The following CSMD1 variants were observed in gnomAD, a reference collection of about 807,000 sequenced individuals.
CSMD1 encodes the protein CUB and sushi domain-containing protein 1.
CSMD1 carries 213 observed loss-of-function variants against 417.5 expected under a neutral mutation model. The ratio of observed to expected loss-of-function variants is 0.51; its 90% CI spans 0.46 to 0.57. CSMD1 has a LOEUF of 0.57. CSMD1 is among the 20% of genes least tolerant of loss of function. The pLI is 0.00. For missense variants in CSMD1, 6,923 were observed against 4,529.7 expected (o/e 1.53, Z -15.17); for synonymous variants, 2,862 against 1,736.8 (o/e 1.65, Z -16.11).
chr8:3,114,727 C>A (rs1307853863), intron 42 of CSMD1, among the ~76,000 whole-genome samples: 6 of 152,032 alleles, frequency 3.9e-5, no homozygotes, highest in African/African-American at 1.4e-4. Flanking sequence ...TTTTTATTCT[C>A]TATTATTGGG....
intron 3 of CSMD1, among the ~76,000 whole-genome samples, chr8:4,232,416 C>G (rs1190489321): frequency 6.6e-6 from 1 of 152,158 alleles, no homozygotes; most frequent in Admixed American, 6.5e-5. Context: ...CCAGCTTGGT[C>G]TTGAACTCCT....
chr8:4,990,593 T>G (rs1811410127), intron 1 of CSMD1, among the ~76,000 whole-genome samples: 1 of 152,110 alleles, frequency 6.6e-6, no homozygotes, highest in Admixed American at 6.6e-5. Flanking sequence ...TCCTGACCTT[T>G]GATGATCCAC....
chr8:3,552,639 G>T (rs548490178), intron 10 of CSMD1, among the ~76,000 whole-genome samples: 2 of 152,184 alleles, frequency 1.3e-5, no homozygotes, highest in Non-Finnish European at 2.9e-5. Context: ...ATGCTACAGA[G>T]ATCCTTTCTG....
intron 1 of CSMD1, among the ~76,000 whole-genome samples, chr8:4,881,076 C>T (rs999433582): frequency 3.3e-5 from 5 of 151,956 alleles, no homozygotes; most frequent in Non-Finnish European, 5.9e-5. Flanking sequence ...AGGACTCTGC[C>T]AGCTACTCCA....
intron 1 of CSMD1, among the ~76,000 whole-genome samples, chr8:4,986,684 A>G (rs1238597671): frequency 6.6e-6 from 1 of 152,158 alleles, no homozygotes; most frequent in Non-Finnish European, 1.5e-5. Context: ...AACATTATGG[A>G]CAAGGAGCTT....
chr8:3,837,346 G>C (rs182050704), intron 5 of CSMD1, among the ~76,000 whole-genome samples: 4 of 152,176 alleles, frequency 2.6e-5, no homozygotes, highest in African/African-American at 9.6e-5. Context: ...CAGAGCCCCA[G>C]GCTGGAGCTA....
chr8:3,717,571 T>G (rs2623562), intron 6 of CSMD1, among the ~76,000 whole-genome samples: 132,855 of 152,172 alleles, frequency 0.87, 58,813 homozygotes, highest in East Asian at 0.94. Context: ...TTGAGAAAAT[T>G]TTTAAATAAT....
Position 4,102,746 on chromosome 8 carries a change from A to G in CSMD1, c.416-70647T>C, listed in dbSNP as rs143755270. ...TTTAGACAAGATATTGGAAGCAGAT[A>G]TTTTTGAATTTAATTAGTCCAGGAC... On this transcript the variant is annotated intron_variant, in intron 3 of 69. Coordinates refer to ENST00000635120, the MANE Select transcript of CSMD1 (RefSeq NM_033225.6). Among the ~76,000 whole-genome samples, 284 of 152,294 alleles carry G rather than the reference A, an allele frequency of 1.9e-3. 4 individuals carry two copies. The East Asian group carries it at 0.019, about 10-fold the overall frequency.
At chr8:3,698,288 T>G (rs548508914) in intron 7 of CSMD1, among the ~76,000 whole-genome samples, 2 of 152,330 alleles carry the variant, frequency 1.3e-5, no homozygotes, top group African/African-American at 4.8e-5. Flanking sequence ...TTTTACAATC[T>G]ACTACATTTG....
In CSMD1 at chr8:3,355,347, A is replaced by G. The variant is rs112899615; in HGVS notation, c.3304+3805T>C. 7.9e-3 allele frequency among the ~76,000 whole-genome samples: 1,196 copies of G among 152,320 alleles called. 16 individuals carry two copies. Among genetic ancestry groups the G allele is most frequent in the African/African-American group, 0.028 (1,155 of 41,574 alleles). ...GGTTATGGAATTATAGCAAACATTT[A>G]TCTCCATCATATATACTCTCTAACT... On this transcript the variant is annotated intron_variant, in intron 21 of 69. Transcript: ENST00000635120.
At chr8:4,044,489 G>A (rs756174975) in intron 3 of CSMD1, among the ~76,000 whole-genome samples, 16 of 152,182 alleles carry the variant, frequency 1.1e-4, no homozygotes, top group Non-Finnish European at 2.9e-5. Flanking sequence ...CAGGGGACCA[G>A]CGACCCCTCC....
intron 1 of CSMD1, among the ~76,000 whole-genome samples, chr8:4,847,333 T>G (rs1801200881): frequency 6.6e-6 from 1 of 152,204 alleles, no homozygotes; most frequent in Non-Finnish European, 1.5e-5. Context: ...TCTTGCACAT[T>G]TGAATCCTAA....
intron 26 of CSMD1, among the ~76,000 whole-genome samples, chr8:3,237,255 C>G (rs1179344321): frequency 1.5e-5 from 2 of 133,158 alleles, no homozygotes; most frequent in Non-Finnish European, 1.7e-5. Context: ...ATCAAAAGGT[C>G]AGCAGTTCGA....
intron 3 of CSMD1, among the ~76,000 whole-genome samples, chr8:4,161,922 T>C (rs1167649548): frequency 6.6e-6 from 1 of 152,214 alleles, no homozygotes; most frequent in African/African-American, 2.4e-5. Context: ...TCATATCCCT[T>C]TCGTTTAAAT....
At chr8:4,671,800 A>C (rs1212367211) in intron 1 of CSMD1, among the ~76,000 whole-genome samples, 2 of 152,152 alleles carry the variant, frequency 1.3e-5, no homozygotes, top group African/African-American at 4.8e-5. Context: ...GGAGGCTCTC[A>C]GCCTGAAGGA....
chr8:3,334,999 G>A (rs1466348064), intron 23 of CSMD1, among the ~76,000 whole-genome samples: 1 of 152,194 alleles, frequency 6.6e-6, no homozygotes, highest in East Asian at 1.9e-4. Flanking sequence ...TGAAAAAAGT[G>A]AGTTAATTCT....
chr8:3,345,207 G>A (rs35375292), intron 22 of CSMD1, among the ~76,000 whole-genome samples: 19,793 of 152,038 alleles, frequency 0.13, 1,582 homozygotes, highest in African/African-American at 0.23. Flanking sequence ...TGGCTTCCCC[G>A]TGTCCTCATG....
chr8:3,765,125 C>A (rs543914532), intron 5 of CSMD1, among the ~76,000 whole-genome samples: 11 of 152,196 alleles, frequency 7.2e-5, no homozygotes, highest in Admixed American at 2.6e-4. Context: ...GTACTGAAGA[C>A]CCTTTATAAT....
intron 3 of CSMD1, among the ~76,000 whole-genome samples, chr8:4,326,579 A>C (rs993911585): frequency 2.6e-5 from 4 of 152,232 alleles, no homozygotes; most frequent in Non-Finnish European, 5.9e-5. Context: ...AAGCAATTCC[A>C]AACTTCTTTT....
Sources: allele counts gnomAD v4.1 joint callset (sites outside exome capture counted in the v4.1 genomes callset), GRCh38; gene constraint gnomAD v4.1.1; transcripts MANE v1.5; gene names NCBI Gene and HGNC (gene_info 2026-07-23, HGNC 2026-07-21).